The following NME9 variants were observed in gnomAD, a reference collection of about 807,000 sequenced individuals.
NME9 encodes the protein NME/NM23 family member 9, also known as thioredoxin domain-containing protein 6.
A neutral mutation model predicts 44.4 loss-of-function variants in NME9; 48 were observed. The ratio of observed to expected loss-of-function variants is 1.08; its 90% confidence interval spans 0.86 to 1.37. NME9 has a LOEUF of 1.37. Among genes scored for constraint, NME9 ranks in the 40% most tolerant of loss-of-function variants. The probability of loss-of-function intolerance (pLI) is 0.00; values close to 1 mark genes in which losing one functional copy is unlikely to be tolerated. For missense variants in NME9, 325 were observed against 405.2 expected (o/e 0.80, Z 1.70); for synonymous variants, 139 against 147.1 (o/e 0.94, Z 0.40).
exon 9 of NME9, chr3:138,261,684 C>T (rs2047758739): frequency 1.3e-5 from 2 of 152,086 alleles, no homozygotes; most frequent in African/African-American, 2.4e-5. Flanking sequence ...GACACTTAAA[C>T]GTCTTTTAAA....
intron 8 of NME9, among the ~76,000 whole-genome samples, chr3:138,270,674 TCA>T (rs1430828931): frequency 6.6e-6 from 1 of 152,190 alleles, no homozygotes; most frequent in East Asian, 1.9e-4. Flanking sequence ...GTGTATTACC[TCA>T]CATATTTAAC....
chr3:138,317,532 G>A (rs974686132), intron 4 of NME9, among the ~76,000 whole-genome samples: 2 of 152,162 alleles, frequency 1.3e-5, no homozygotes, highest in Non-Finnish European at 2.9e-5. Flanking sequence ...TCACACCCAA[G>A]GACATCCAAA....
At chr3:138,288,224 T>G (rs977553218) in intron 8 of NME9, among the ~76,000 whole-genome samples, 10 of 152,202 alleles carry the variant, frequency 6.6e-5, no homozygotes, top group African/African-American at 2.2e-4. Context: ...GTTACAGAAC[T>G]TCATGACCAT....
intron 8 of NME9, among the ~76,000 whole-genome samples, chr3:138,277,541 AAAC>A (rs2049418046): frequency 6.6e-6 from 1 of 152,242 alleles, no homozygotes; most frequent in African/African-American, 2.4e-5. Flanking sequence ...AGAATTCTCA[AAAC>A]AACAAGAAAA....
chr3:138,275,723 G>A (rs1445375458), intron 8 of NME9, among the ~76,000 whole-genome samples: 1 of 152,184 alleles, frequency 6.6e-6, no homozygotes, highest in Non-Finnish European at 1.5e-5. Context: ...AGCCTTGGAA[G>A]AACAGTCCAG....
chr3:138,308,083 C>T (rs1440612336), intron 6 of NME9, among the ~76,000 whole-genome samples: 6 of 151,948 alleles, frequency 3.9e-5, no homozygotes, highest in South Asian at 2.1e-4. Context: ...TGGTTTTCTA[C>T]GTGGGAGAGA....
At chr3:138,285,138 C>T (rs1357306916) in intron 8 of NME9, among the ~76,000 whole-genome samples, 2 of 152,198 alleles carry the variant, frequency 1.3e-5, no homozygotes, top group African/African-American at 2.4e-5. Flanking sequence ...CACAGAACCC[C>T]ACATGGGCAC....
chr3:138,305,485 A>G (rs2052180579), intron 8 of NME9, among the ~76,000 whole-genome samples: 1 of 151,958 alleles, frequency 6.6e-6, no homozygotes, highest in African/African-American at 2.4e-5. Flanking sequence ...GCCCTTACCC[A>G]TTTCATTTGG....
intron 8 of NME9, among the ~76,000 whole-genome samples, chr3:138,277,581 A>G (rs550452668): frequency 6.6e-6 from 1 of 152,374 alleles, no homozygotes; most frequent in African/African-American, 2.4e-5. Context: ...TGAAAAAACA[A>G]TATGAACAGA....
At chr3:138,324,332 T>G in intron 2 of NME9, 1 of 393,242 alleles carries the variant, frequency 2.5e-6, no homozygotes, top group South Asian at 1.8e-5. Context: ...GGTATCCAAC[T>G]AAGCTATACC....
intron 6 of NME9, among the ~76,000 whole-genome samples, chr3:138,310,777 G>C (rs1253307931): frequency 6.6e-6 from 1 of 152,098 alleles, no homozygotes; most frequent in African/African-American, 2.4e-5. Context: ...ATACAGTAAA[G>C]GGGAAGTTTG....
rs55961241 is a variant in NME9 at position 138,324,693 on chromosome 3, TACACACACACACACACACACACACACAC to T, written c.91+152_91+179del. The T allele has an allele frequency of 3.0e-4, 158 of 534,614 alleles. 1 individual carries two copies. The African/African-American group carries it at 3.2e-3, about 11-fold the overall frequency. 33.1% of individuals were successfully genotyped at this position (534,614 alleles called of 1,614,324 possible). A position where few individuals can be genotyped will look rare whatever the true frequency, so the allele number is the denominator to read the frequency against. On this transcript the variant is annotated intron_variant, in intron 2 of 10. Coordinates refer to ENST00000333911, the MANE Select transcript of NME9 (RefSeq NM_001349018.2). ...TGAATTTACTGATATTCAAGCCAGA[TACACACACACACACACACACACACACAC>T]ACACACACACACACACACATCACCT... is the stretch of plus-strand genomic sequence containing the variant.
intron 3 of NME9, among the ~76,000 whole-genome samples, chr3:138,318,522 A>G (rs2053251784): frequency 6.6e-6 from 1 of 152,010 alleles, no homozygotes; most frequent in South Asian, 2.1e-4. Flanking sequence ...ACCGAGGTGA[A>G]GGTCCTCAGG....
downstream of NME9, among the ~76,000 whole-genome samples, chr3:138,299,305 A>C (rs915455161): frequency 6.6e-6 from 1 of 152,242 alleles, no homozygotes; most frequent in South Asian, 2.1e-4. Context: ...TTGGCAAGCA[A>C]TCTGCCCTCA....
At chr3:138,312,758 A>T (rs1297586267) in intron 6 of NME9, among the ~76,000 whole-genome samples, 1 of 152,226 alleles carries the variant, frequency 6.6e-6, no homozygotes, top group African/African-American at 2.4e-5. Flanking sequence ...GATAAATGAG[A>T]TCACATCAAG....
At chr3:138,285,453 A>AATTT (rs2050318972) in intron 8 of NME9, among the ~76,000 whole-genome samples, 1 of 152,182 alleles carries the variant, frequency 6.6e-6, no homozygotes, top group African/African-American at 2.4e-5. Context: ...TACACTGGCC[A>AATTT]CTTGAAGTTT....
chr3:138,305,953 G>A (rs1284230146), intron 8 of NME9, 51 bp downstream of exon 8: 1 of 1,176,822 alleles, frequency 8.5e-7, no homozygotes, highest in Admixed American at 1.7e-5. Flanking sequence ...GCATAATGTT[G>A]GAGGAAGAGA....
exon 9 of NME9, chr3:138,262,364 T>C (rs1431003387): frequency 1.4e-6 from 1 of 732,326 alleles, no homozygotes. Context: ...AAACACCAGA[T>C]AAAAATTACC....
chr3:138,274,176 C>T (rs1282470991), intron 8 of NME9, among the ~76,000 whole-genome samples: 1 of 151,814 alleles, frequency 6.6e-6, no homozygotes, highest in Non-Finnish European at 1.5e-5. Context: ...ATTGTGCTTT[C>T]ATATTCTGTC....
Sources: allele counts gnomAD v4.1 joint callset (sites outside exome capture counted in the v4.1 genomes callset), GRCh38; gene constraint gnomAD v4.1.1; transcripts MANE v1.5; gene names NCBI Gene and HGNC (gene_info 2026-07-23, HGNC 2026-07-21).